The following CPAMD8 variants were observed in gnomAD, a reference collection of about 807,000 sequenced individuals.
CPAMD8 encodes C3 and PZP like alpha-2-macroglobulin domain containing 8.
CPAMD8 carries 146 observed loss-of-function variants against 224.7 expected under a neutral mutation model. The ratio of observed to expected loss-of-function variants is 0.65; its 90% CI spans 0.57 to 0.75. CPAMD8 has a LOEUF of 0.75. Ranked by LOEUF, CPAMD8 falls within the 30% of genes least tolerant of loss-of-function variation. CPAMD8 has a pLI of 0.00. For missense variants in CPAMD8, 2,301 were observed against 2,537.5 expected, an observed-to-expected ratio of 0.91 and a Z score of 2.00; for synonymous variants, 966 against 1,044.6, an observed-to-expected ratio of 0.92 and a Z score of 1.45.
At chr19:16,948,894 A>AGGGAAAGGAAAGGGT in intron 20 of CPAMD8, among the ~76,000 whole-genome samples, 1 of 86,892 alleles carries the variant, frequency 1.2e-5, no homozygotes, top group Non-Finnish European at 2.2e-5. Context: ...AAGGGAAGGG[A>AGGGAAAGGAAAGGGT]AGGGAAGGGA....
At chr19:16,995,425 G>A (rs557852554) in intron 11 of CPAMD8, among the ~76,000 whole-genome samples, 17 of 142,792 alleles carry the variant, frequency 1.2e-4, no homozygotes, top group South Asian at 4.2e-4. Flanking sequence ...TATTTGAGAC[G>A]AAGTCTCACT....
In CPAMD8 at chr19:17,005,975, A is replaced by T. The variant is rs76720530; in HGVS notation, c.560-1589T>A. 4.9e-4 allele frequency among the ~76,000 whole-genome samples: 69 copies of T among 141,868 alleles called. No homozygotes were observed. The East Asian group carries it at 6.8e-3, about 14-fold the overall frequency. 93.1% of individuals were successfully genotyped at this position (141,868 alleles called of 152,430 possible). A position where few individuals can be genotyped will look rare whatever the true frequency, so the allele number is the denominator to read the frequency against. Reference sequence around the variant, plus strand: ...ACACATCCCAAAGGGTTTTTTTTTTATTTTTTTGAGACAGAGTCTTGCTCT... The same window carrying T: ...ACACATCCCAAAGGGTTTTTTTTTTTTTTTTTTGAGACAGAGTCTTGCTCT... On this transcript the variant is annotated intron_variant, in intron 7 of 41. Transcript: ENST00000443236.
Position 16,897,730 on chromosome 19 carries a change from CG to C in CPAMD8, c.5025del (p.Ala1676ArgfsTer111). On this transcript the variant is annotated frameshift_variant, in exon 39 of 42. Coordinates refer to ENST00000443236, the MANE Select transcript of CPAMD8 (RefSeq NM_015692.5). LOFTEE classifies it high-confidence loss of function. ...SPLARELCAG[P>X]ACNEVERAPA... Reference sequence around the variant, plus strand: ...GGGGCGCGCTCCACTTCGTTGCACGCGGGTCCGGCGCACAGTTCCCGGGCGA... The same window carrying C: ...GGGGCGCGCTCCACTTCGTTGCACGCGGTCCGGCGCACAGTTCCCGGGCGA... 6.4e-7 allele frequency: 1 copy of C among 1,568,868 alleles called. No individual in the cohort carries two copies. Among genetic ancestry groups the C allele is most frequent in the African/African-American group, 1.4e-5 (1 of 73,670 alleles).
rs754099088 is a variant in CPAMD8 at position 16,903,582 on chromosome 19, C to T, written c.4449G>A (p.Gly1483=). The change falls in exon 34 of 42, where the codon GGG becomes GGA. Residue 1483 remains glycine (G), a synonymous_variant. Transcript: ENST00000443236. ...TCACCTGCATCAGGCAGCAGCCGTCCCCCTTGGCACTCACAAACAGCCCCG... is the reference window on the plus strand; with the variant it reads ...TCACCTGCATCAGGCAGCAGCCGTCTCCCTTGGCACTCACAAACAGCCCCG... ...LPTGLFVSAK[G]DGCCLMQIDV... is the part of the protein sequence containing the mutation. 6.2e-7 allele frequency: 1 copy of T among 1,614,122 alleles called. No individual in the cohort carries two copies. Among genetic ancestry groups the T allele is most frequent in the South Asian group, 1.1e-5 (1 of 91,090 alleles).
chr19:16,921,841 G>A, intron 27 of CPAMD8, 64 bp downstream of exon 27: 2 of 1,039,378 alleles, frequency 1.9e-6, no homozygotes, highest in Middle Eastern at 2.0e-4. Context: ...CACTGCATTG[G>A]ATGTGAGGCC....
At chr19:16,939,882 G>T (rs139382819) in intron 22 of CPAMD8, among the ~76,000 whole-genome samples, 12 of 151,844 alleles carry the variant, frequency 7.9e-5, no homozygotes, top group South Asian at 2.1e-4. Flanking sequence ...CTTTTTTGTT[G>T]TTGTTGTTGT....
chr19:16,900,716 G>A (rs1041726889), intron 36 of CPAMD8, among the ~76,000 whole-genome samples: 10 of 151,750 alleles, frequency 6.6e-5, no homozygotes, highest in African/African-American at 2.4e-4. Context: ...GCCCAGAAAG[G>A]GGAGGAAAAA....
At chr19:16,946,177 TTGTG>T (rs567119508) in intron 21 of CPAMD8, among the ~76,000 whole-genome samples, 6 of 150,820 alleles carry the variant, frequency 4.0e-5, no homozygotes, top group South Asian at 2.1e-4. Flanking sequence ...TGTGTATGAT[TTGTG>T]TGTGTGTGTG....
chr19:16,979,441 T>TCTGC (rs1281131859), intron 14 of CPAMD8, among the ~76,000 whole-genome samples: 772 of 70,152 alleles, frequency 0.011, 6 homozygotes, highest in African/African-American at 0.099. Flanking sequence ...CATCCATCCA[T>TCTGC]CTATCAATCC....
chr19:16,950,284 C>A lies in CPAMD8; in HGVS notation c.2508+1685G>T, dbSNP rs756070599. ...CTGCACTCCAGCCTGGGTGACAGAG[C>A]GAGATCCTATCTCAAATAAATAAAT... On this transcript the variant is annotated intron_variant, in intron 20 of 41. Coordinates refer to ENST00000443236, the MANE Select transcript of CPAMD8 (RefSeq NM_015692.5). Among the ~76,000 whole-genome samples the A allele has an allele frequency of 1.3e-5, 2 of 151,474 alleles. 1 individual carries two copies. Among genetic ancestry groups the A allele is most frequent in the Admixed American group, 1.3e-4 (2 of 15,192 alleles).
intron 30 of CPAMD8, among the ~76,000 whole-genome samples, chr19:16,906,395 T>C (rs376947632): frequency 0.079 from 6,326 of 79,830 alleles, 410 homozygotes; most frequent in East Asian, 0.16. Context: ...TCTTTCTTTC[T>C]TTCTTTCTTT....
At chr19:17,000,221 A>T in intron 10 of CPAMD8, 193 bp downstream of exon 10, 1 of 455,210 alleles carries the variant, frequency 2.2e-6, no homozygotes, top group Admixed American at 3.8e-5. Context: ...TTGGGGGCAA[A>T]GGCGAGAGGA....
chr19:16,957,529 G>A (rs2054510827), intron 19 of CPAMD8: 1 of 258,362 alleles, frequency 3.9e-6, no homozygotes, highest in African/African-American at 2.2e-5. Flanking sequence ...AGTGGGGGTA[G>A]GTGGAGTCAA....
chr19:16,999,028 C>T (rs575612991), intron 10 of CPAMD8, among the ~76,000 whole-genome samples: 22 of 152,226 alleles, frequency 1.4e-4, no homozygotes, highest in African/African-American at 4.3e-4. Context: ...GATCATGCTA[C>T]GATGTAGACA....
At chr19:16,914,536 G>A in intron 28 of CPAMD8, 38 bp from the exon 29 acceptor site, 1 of 1,611,718 alleles carries the variant, frequency 6.2e-7, no homozygotes, top group Non-Finnish European at 8.5e-7. Context: ...TAAGCCAAAG[G>A]AGACAGTCCA....
Position 16,914,740 on chromosome 19 carries a change from C to A in CPAMD8, c.3703G>T (p.Ala1235Ser), listed in dbSNP as rs776156308. The change falls in exon 28 of 42, where the codon GCC becomes TCC. Residue 1235 changes from alanine to serine, a missense_variant. Coordinates refer to ENST00000443236, the MANE Select transcript of CPAMD8 (RefSeq NM_015692.5). The part of the protein sequence containing the change: ...FIFVDPRELA[A>S]AKSWIIQQQQ... Reference sequence around the variant, plus strand: ...TGCTGGATGATCCAGCTCTTGGCGGCAGCCAGCTCCCGGGGGTCCACGAAG... The same window carrying A: ...TGCTGGATGATCCAGCTCTTGGCGGAAGCCAGCTCCCGGGGGTCCACGAAG... 1 of 1,614,096 alleles carries A rather than the reference C, an allele frequency of 6.2e-7. No homozygotes were observed. The highest frequency in any genetic ancestry group is 1.1e-5 in the South Asian group (1 of 91,084).
chr19:16,996,268 G>A (rs1340420393), intron 11 of CPAMD8, among the ~76,000 whole-genome samples: 1 of 152,138 alleles, frequency 6.6e-6, no homozygotes. Flanking sequence ...AATCCAGGAT[G>A]TCGAGGCTGT....
At chr19:16,920,330 A>G (rs904822865) in intron 27 of CPAMD8, among the ~76,000 whole-genome samples, 1 of 151,822 alleles carries the variant, frequency 6.6e-6, no homozygotes, top group Non-Finnish European at 1.5e-5. Context: ...ATACAAAAAA[A>G]GTAGCCAGGC....
chr19:16,946,413 ATG>A (rs1440202459), intron 21 of CPAMD8, among the ~76,000 whole-genome samples: 1 of 108,256 alleles, frequency 9.2e-6, no homozygotes, highest in Non-Finnish European at 1.8e-5. Flanking sequence ...ACATGTGGGC[ATG>A]TGTGTGGATT....
Sources: allele counts gnomAD v4.1 joint callset (sites outside exome capture counted in the v4.1 genomes callset), GRCh38; gene constraint gnomAD v4.1.1; transcripts MANE v1.5; gene names NCBI Gene and HGNC (gene_info 2026-07-23, HGNC 2026-07-21).